Variants in CYTH1 observed in about 807,000 individuals in gnomAD.
CYTH1 encodes cytohesin-1.
Under a neutral mutation model 61.8 loss-of-function variants are expected in CYTH1, and 18 were observed. That is an observed-to-expected ratio of 0.29 (90% CI 0.20 to 0.43). The LOEUF is 0.43. CYTH1 is among the 20% of genes least tolerant of loss of function. CYTH1 has a pLI of 1.00. For missense variants in CYTH1, 336 were observed against 510.5 expected (o/e 0.66, Z 3.29); for synonymous variants, 174 against 184.3 (o/e 0.94, Z 0.45).
intron 13 of CYTH1, chr17:78,676,959 G>A (rs1276829643): frequency 2.0e-5 from 9 of 454,528 alleles, no homozygotes; most frequent in Middle Eastern, 6.5e-4. Flanking sequence ...TCCAGAGCTC[G>A]GGCACAAGCC....
intron 1 of CYTH1, among the ~76,000 whole-genome samples, chr17:78,716,758 A>G (rs2093184328): frequency 6.6e-6 from 1 of 152,236 alleles, no homozygotes; most frequent in African/African-American, 2.4e-5. Context: ...CCGGACAGAA[A>G]AAACATCCAA....
At chr17:78,781,394 A>G (rs533592786) in intron 1 of CYTH1, among the ~76,000 whole-genome samples, 1 of 152,350 alleles carries the variant, frequency 6.6e-6, no homozygotes, top group South Asian at 2.1e-4. Flanking sequence ...AAACTCTTGG[A>G]GGGAGGCACC....
In CYTH1 at chr17:78,695,626, C is replaced by T. The variant is rs894883184; in HGVS notation, c.814+381G>A. 2.6e-5 allele frequency among the ~76,000 whole-genome samples: 4 copies of T among 152,266 alleles called. 1 individual carries two copies. The highest frequency in any genetic ancestry group is 9.6e-5 in the African/African-American group (4 of 41,554). Reference sequence around the variant, plus strand: ...CTTCTCTTCTTTCTCCTCTTCCCCACGTCAGAGATTAACTTTCAATCAGGC... The same window carrying T: ...CTTCTCTTCTTTCTCCTCTTCCCCATGTCAGAGATTAACTTTCAATCAGGC... On this transcript the variant is annotated intron_variant, in intron 10 of 13. Transcript: ENST00000446868.
At chr17:78,680,050 TG>T (rs1235016605) in intron 13 of CYTH1, 139 bp downstream of exon 13, 55 of 1,200,972 alleles carry the variant, frequency 4.6e-5, no homozygotes, top group Non-Finnish European at 5.7e-5. Context: ...AGCCGTCAGC[TG>T]GGAACCAGGA....
At chr17:78,736,715 A>G (rs978478579) in intron 1 of CYTH1, 45 of 422,340 alleles carry the variant, frequency 1.1e-4, no homozygotes, top group Non-Finnish European at 1.8e-4. Context: ...GGTTTTAAGG[A>G]CCATCTTGTT....
In CYTH1 at chr17:78,700,434, C is replaced by T. The variant is rs773109854; in HGVS notation, c.447G>A (p.Leu149=). The part of the protein sequence containing the change: ...LNLVQALRQF[L]WSFRLPGEAQ... ...CCTCTCCGGGTAGCCGGAAGCTCCA[C>T]AGGAACTGCCTGAGTGGGTAAAGAC... is the stretch of plus-strand genomic sequence containing the variant. The change falls in exon 7 of 14, where the codon CTG becomes CTA. Residue 149 remains leucine, a synonymous_variant. Coordinates refer to ENST00000446868, the MANE Select transcript of CYTH1 (RefSeq NM_004762.6). The surrounding 1 kb of genome is among the most constrained non-coding windows in gnomAD (Gnocchi z 5.1). 3.1e-6 allele frequency: 5 copies of T among 1,612,322 alleles called. No homozygotes were observed. The highest frequency in any genetic ancestry group is 2.2e-5 in the South Asian group (2 of 90,656).
At chr17:78,782,070 T>G in intron 1 of CYTH1, 132 bp downstream of exon 1, 4 of 739,432 alleles carry the variant, frequency 5.4e-6, no homozygotes, top group African/African-American at 2.0e-5. Context: ...CGCCCGCCGG[T>G]CGCCCCGGGC....
At chr17:78,695,196 A>G (rs1181891261) in intron 10 of CYTH1, among the ~76,000 whole-genome samples, 1 of 152,246 alleles carries the variant, frequency 6.6e-6, no homozygotes, top group African/African-American at 2.4e-5. Context: ...CAAAAAAACC[A>G]GCAAATGGAG....
Position 78,675,972 on chromosome 17 carries a change from A to C in CYTH1, c.*119T>G, listed in dbSNP as rs1272240529. The C allele has an allele frequency of 3.4e-5, 53 of 1,549,526 alleles. No individual in the cohort carries two copies. The highest frequency in any genetic ancestry group is 4.6e-5 in the Non-Finnish European group (53 of 1,146,062). The stretch of plus-strand genomic sequence containing the variant: ...ATAGCAAAAGCTGAAGCTAGTCTCT[A>C]GGAATCCAGGGCGGGGCCTGGCAGA... On this transcript the variant is annotated 3_prime_UTR_variant, in exon 14 of 14. Transcript: ENST00000446868.
intron 1 of CYTH1, among the ~76,000 whole-genome samples, chr17:78,730,631 A>C (rs1461152916): frequency 6.6e-6 from 1 of 152,064 alleles, no homozygotes; most frequent in African/African-American, 2.4e-5. Flanking sequence ...CTGTAGAGGA[A>C]GGAAGAACAT....
chr17:78,708,352 A>T, intron 2 of CYTH1, 91 bp from the exon 3 acceptor site: 2 of 1,217,182 alleles, frequency 1.6e-6, no homozygotes, highest in Admixed American at 4.9e-5. Context: ...TCCAACCAAA[A>T]ACAAAATAAA....
At chr17:78,760,559 A>ATATATATG (rs2093424252) in intron 1 of CYTH1, among the ~76,000 whole-genome samples, 1 of 34,442 alleles carries the variant, frequency 2.9e-5, no homozygotes, top group African/African-American at 8.5e-5. Flanking sequence ...ATATATATGT[A>ATATATATG]TATATATATA....
intron 1 of CYTH1, among the ~76,000 whole-genome samples, chr17:78,747,229 C>T (rs967716117): frequency 1.3e-4 from 20 of 150,178 alleles, no homozygotes; most frequent in Admixed American, 4.0e-4. Context: ...ATGCCAGGCT[C>T]GTAGAGTAAG....
At chr17:78,755,625 C>A (rs1207301953) in intron 1 of CYTH1, among the ~76,000 whole-genome samples, 1 of 151,806 alleles carries the variant, frequency 6.6e-6, no homozygotes, top group Non-Finnish European at 1.5e-5. Flanking sequence ...TGCCTGGGGC[C>A]GGGGTAGAGG....
At chr17:78,769,329 A>G (rs914475247) in intron 1 of CYTH1, among the ~76,000 whole-genome samples, 2 of 151,582 alleles carry the variant, frequency 1.3e-5, no homozygotes, top group Non-Finnish European at 2.9e-5. Flanking sequence ...TCCAGGCACA[A>G]AGAACCATTT....
Position 78,760,506 on chromosome 17 carries a change from T to C in CYTH1, c.22+21696A>G, listed in dbSNP as rs1341942733. On this transcript the variant is annotated intron_variant, in intron 1 of 13. Coordinates refer to ENST00000446868, the MANE Select transcript of CYTH1 (RefSeq NM_004762.6). ...GTATGTATATATATATACATATATA[T>C]GTATATATATGTATATATATATATA... 2.2e-4 allele frequency among the ~76,000 whole-genome samples: 10 copies of C among 45,512 alleles called. 1 individual carries two copies. Among genetic ancestry groups the C allele is most frequent in the Middle Eastern group, 0.01 (1 of 100 alleles). 29.9% of individuals were successfully genotyped at this position (45,512 alleles called of 152,430 possible). A position where few individuals can be genotyped will look rare whatever the true frequency, so the allele number is the denominator to read the frequency against.
intron 1 of CYTH1, among the ~76,000 whole-genome samples, chr17:78,741,215 T>C (rs1452814427): frequency 2.0e-5 from 3 of 152,182 alleles, no homozygotes; most frequent in Non-Finnish European, 4.4e-5. Context: ...TAGGTGGGAA[T>C]ACACAAGCAT....
At chr17:78,743,626 C>T (rs777415764) in intron 1 of CYTH1, among the ~76,000 whole-genome samples, 1 of 152,196 alleles carries the variant, frequency 6.6e-6, no homozygotes, top group Non-Finnish European at 1.5e-5. Context: ...AAGAAATACT[C>T]AACCCATAGT....
chr17:78,742,211 A>G (rs371138951), intron 1 of CYTH1, among the ~76,000 whole-genome samples: 1 of 152,208 alleles, frequency 6.6e-6, no homozygotes, highest in African/African-American at 2.4e-5. Flanking sequence ...AAGGCTCACT[A>G]TACACTGCTA....
Sources: allele counts gnomAD v4.1 joint callset (sites outside exome capture counted in the v4.1 genomes callset), GRCh38; gene constraint gnomAD v4.1.1; non-coding constraint Gnocchi (gnomAD v3.1); transcripts MANE v1.5; gene names NCBI Gene and HGNC (gene_info 2026-07-23, HGNC 2026-07-21).